QPRT: variants seen among roughly 807,000 people sequenced by gnomAD.
The protein encoded by QPRT is quinolinate phosphoribosyltransferase, also known as nicotinate-nucleotide pyrophosphorylase [carboxylating].
A neutral mutation model predicts 19.8 loss-of-function variants in QPRT; 17 were observed. The ratio of observed to expected loss-of-function variants is 0.86; its 90% CI spans 0.59 to 1.29. The LOEUF (loss-of-function observed/expected upper bound fraction) is 1.29. Among genes scored for constraint, QPRT ranks in the 50% most tolerant of loss-of-function variants. The probability of loss-of-function intolerance (pLI) is 0.00; values close to 1 mark genes in which losing one functional copy is unlikely to be tolerated. For synonymous variants in QPRT, 178 were observed against 191.0 expected (o/e 0.93, Z 0.56); for missense variants, 336 against 405.1 (o/e 0.83, Z 1.46).
Position 29,694,659 on chromosome 16 carries a change from C to T in QPRT, c.14-5C>T. 1.3e-6 allele frequency: 2 copies of T among 1,534,664 alleles called. No homozygotes were observed. The highest frequency in any genetic ancestry group is 1.8e-6 in the Non-Finnish European group (2 of 1,141,530). On this transcript the variant is annotated splice_region_variant and splice_polypyrimidine_tract_variant and intron_variant, in intron 1 of 3. Coordinates refer to ENST00000395384, the MANE Select transcript of QPRT (RefSeq NM_014298.6). ...AACTCAACAGCTGTTCTCTCTTCCC[C>T]CCAGGCCTGGCGCTGCTGCTGCCGC...
At chr16:29,688,155 G>A (rs953919140) in intron 1 of QPRT, among the ~76,000 whole-genome samples, 2 of 151,814 alleles carry the variant, frequency 1.3e-5, no homozygotes, top group African/African-American at 4.8e-5. Context: ...CACCATGGGG[G>A]TTATAGCCAA....
rs749761828 is a variant in QPRT, at chr16:29,689,432, T to C, written c.14-5232T>C. 3.9e-5 allele frequency among the ~76,000 whole-genome samples: 6 copies of C among 152,098 alleles called. No individual in the cohort carries two copies. In the East Asian group the frequency reaches 5.8e-4, roughly 15 times the overall value. On this transcript the variant is annotated intron_variant, in intron 1 of 3. Transcript: ENST00000395384. The stretch of plus-strand genomic sequence containing the variant: ...TTAAGTTCAGGGGTACATGTGCAGG[T>C]TTATTATATAGGTAAACTTGTGTCA...
In QPRT at chr16:29,687,809, GGAGTTTGA is replaced by G. The variant is rs530596714; in HGVS notation, c.14-6852_14-6845del. Among the ~76,000 whole-genome samples, 374 of 141,572 alleles carry G rather than the reference GGAGTTTGA, an allele frequency of 2.6e-3. 1 individual carries two copies. The highest frequency in any genetic ancestry group is 4.2e-3 in the Non-Finnish European group (278 of 66,426). The allele number at this position is 141,572 out of a possible 152,430, so 92.9% of individuals were successfully genotyped here. On this transcript the variant is annotated intron_variant, in intron 1 of 3. Transcript: ENST00000395384. The stretch of plus-strand genomic sequence containing the variant: ...AAAAGAAAAAAATGTTTAAAAGCCA[GGAGTTTGA>G]GACCCTGTCTCTATTAAAAAAAAAA...
intron 1 of QPRT, among the ~76,000 whole-genome samples, chr16:29,684,282 G>A (rs2142298303): frequency 6.6e-6 from 1 of 152,090 alleles, no homozygotes; most frequent in African/African-American, 2.4e-5. Flanking sequence ...CCCATGCCCA[G>A]CTAACTTTTT....
At chr16:29,692,352 G>T (rs187726774) in intron 1 of QPRT, among the ~76,000 whole-genome samples, 1 of 152,048 alleles carries the variant, frequency 6.6e-6, no homozygotes, top group African/African-American at 2.4e-5. Flanking sequence ...AGGCCGAGGC[G>T]GGCGGATCAC....
intron 1 of QPRT, among the ~76,000 whole-genome samples, chr16:29,685,942 C>A: frequency 6.6e-6 from 1 of 152,156 alleles, no homozygotes; most frequent in Non-Finnish European, 1.5e-5. Flanking sequence ...CTCACGGCAA[C>A]CTCCACCTCC....
chr16:29,682,782 A>C (rs566599769), intron 1 of QPRT, among the ~76,000 whole-genome samples: 13 of 152,324 alleles, frequency 8.5e-5, no homozygotes, highest in Admixed American at 4.6e-4. Context: ...GTTATCAAAC[A>C]TTCAATGTCC....
chr16:29,695,803 T>TTTTTTTTTTTTTTTG, intron 2 of QPRT: 1 of 149,764 alleles, frequency 6.7e-6, no homozygotes, highest in Non-Finnish European at 1.4e-5. Flanking sequence ...CTTTTTTTTT[T>TTTTTTTTTTTTTTTG]TTTTTTTTTT....
At chr16:29,691,823 T>C (rs1296391669) in intron 1 of QPRT, among the ~76,000 whole-genome samples, 1 of 151,988 alleles carries the variant, frequency 6.6e-6, no homozygotes, top group Non-Finnish European at 1.5e-5. Context: ...TGGGAGAGAA[T>C]GTGGCGAAGG....
chr16:29,687,692 T>G (rs1332238471), intron 1 of QPRT, among the ~76,000 whole-genome samples: 2 of 151,960 alleles, frequency 1.3e-5, no homozygotes, highest in African/African-American at 2.4e-5. Context: ...GAGTCTACTT[T>G]TATTGCCAAA....
At chr16:29,694,510 C>T (rs1320511943) in intron 1 of QPRT, among the ~76,000 whole-genome samples, 154 bp from the exon 2 acceptor site, 3 of 151,824 alleles carry the variant, frequency 2.0e-5, no homozygotes, top group East Asian at 1.9e-4. Flanking sequence ...TCCCCCCACG[C>T]CCCCCTTCCT....
At chr16:29,689,667 G>T (rs1967267723) in intron 1 of QPRT, among the ~76,000 whole-genome samples, 1 of 152,132 alleles carries the variant, frequency 6.6e-6, no homozygotes, top group Non-Finnish European at 1.5e-5. Flanking sequence ...GCCTGGGCGT[G>T]CCTGACCTAA....
chr16:29,689,073 G>A (rs1476360137), intron 1 of QPRT, among the ~76,000 whole-genome samples: 2 of 151,580 alleles, frequency 1.3e-5, no homozygotes, highest in Non-Finnish European at 2.9e-5. Context: ...GAGCCACCGC[G>A]CCCAGCCTTT....
At chr16:29,684,107 T>C (rs917670630) in intron 1 of QPRT, among the ~76,000 whole-genome samples, 2 of 152,074 alleles carry the variant, frequency 1.3e-5, no homozygotes, top group African/African-American at 2.4e-5. Context: ...GGACATGCCC[T>C]GTGGGTTCTT....
intron 2 of QPRT, among the ~76,000 whole-genome samples, chr16:29,695,484 CTTTTTTT>C (rs962384967): frequency 2.1e-5 from 2 of 93,618 alleles, no homozygotes; most frequent in Admixed American, 1.3e-4. Context: ...CTAATTTTTG[CTTTTTTT>C]TTTTTTTTTT....
chr16:29,697,428 G>C lies in QPRT; in HGVS notation c.*17G>C, dbSNP rs1398328456. On this transcript the variant is annotated 3_prime_UTR_variant, in exon 4 of 4. Coordinates refer to ENST00000395384, the MANE Select transcript of QPRT (RefSeq NM_014298.6). This position sits in a 1 kb window ranked among gnomAD's most constrained non-coding sequence, Gnocchi z 4.4. The stretch of plus-strand genomic sequence containing the variant: ...ATCCACTAGTCCTAAACCGGAAGAG[G>C]ATGACACCGGCCATGGGTTAACGTG... 1.4e-5 allele frequency: 23 copies of C among 1,600,104 alleles called. No individual in the cohort carries two copies. Among genetic ancestry groups the C allele is most frequent in the Non-Finnish European group, 2.0e-5 (23 of 1,173,662 alleles).
intron 1 of QPRT, among the ~76,000 whole-genome samples, chr16:29,686,614 G>A (rs938635190): frequency 6.6e-6 from 1 of 152,190 alleles, no homozygotes; most frequent in Non-Finnish European, 1.5e-5. Context: ...CTCTGCCTCA[G>A]CCTCCCGAGT....
intron 1 of QPRT, among the ~76,000 whole-genome samples, chr16:29,692,182 G>C (rs1250246529): frequency 6.6e-6 from 1 of 152,180 alleles, no homozygotes; most frequent in East Asian, 1.9e-4. Context: ...GCCTCTGCCC[G>C]CAGCCATGCA....
intron 1 of QPRT, among the ~76,000 whole-genome samples, chr16:29,693,761 AT>A (rs1023323584): frequency 1.1e-4 from 17 of 150,720 alleles, no homozygotes; most frequent in African/African-American, 3.7e-4. Flanking sequence ...TAATTTTTGT[AT>A]TTTTAGTAGA....
Sources: gnomAD v4.1 joint callset for allele counts (sites outside exome capture counted in the v4.1 genomes callset) on GRCh38, gnomAD v4.1.1 for gene constraint, Gnocchi (gnomAD v3.1) non-coding constraint, MANE v1.5 for transcripts, NCBI Gene and HGNC (gene_info 2026-07-23, HGNC 2026-07-21) for gene names.